Variants in ARHGEF7 observed in about 807,000 individuals in gnomAD.
ARHGEF7 encodes the protein Rho guanine nucleotide exchange factor 7.
In ARHGEF7, 33 loss-of-function variants were observed where a neutral mutation model predicts 109.8. That is an observed-to-expected ratio of 0.30 (90% CI 0.23 to 0.40). ARHGEF7 has a LOEUF of 0.40. Ranked by LOEUF, ARHGEF7 falls within the 10% of genes least tolerant of loss-of-function variation. ARHGEF7 has a pLI of 1.00. For missense variants in ARHGEF7, 938 were observed against 1,098.5 expected, an observed-to-expected ratio of 0.85 and a Z score of 2.07; for synonymous variants, 458 against 424.6, an observed-to-expected ratio of 1.08 and a Z score of -0.97.
At chr13:111,270,823 C>T (rs1347148929) in intron 9 of ARHGEF7, among the ~76,000 whole-genome samples, 1 of 152,128 alleles carries the variant, frequency 6.6e-6, no homozygotes, top group Non-Finnish European at 1.5e-5. Flanking sequence ...TCTCCAACAC[C>T]TAGAGAATTG....
At chr13:111,211,511 A>G (rs544130244) in intron 4 of ARHGEF7, among the ~76,000 whole-genome samples, 1 of 152,318 alleles carries the variant, frequency 6.6e-6, no homozygotes, top group South Asian at 2.1e-4. Flanking sequence ...TAAGTATTGG[A>G]TTAATTTTTC....
chr13:111,131,271 C>T lies in ARHGEF7; in HGVS notation c.165+15580C>T, dbSNP rs1018168353. On this transcript the variant is annotated intron_variant, in intron 1 of 21. Transcript: ENST00000646102. This position sits in a 1 kb window ranked among gnomAD's most constrained non-coding sequence, Gnocchi z 4.4. ...AAGGGAGCCCAGGAGGGTGCGGCGG[C>T]GGGCAGACAGGGGGACAGTGATTTG... Among the ~76,000 whole-genome samples the T allele has an allele frequency of 6.6e-6, 1 of 151,926 alleles. No homozygotes were observed. The highest frequency in any genetic ancestry group is 2.4e-5 in the African/African-American group (1 of 41,350).
At chr13:111,281,651 C>T (rs7983485) in intron 15 of ARHGEF7, among the ~76,000 whole-genome samples, 55,092 of 152,006 alleles carry the variant, frequency 0.36, 10,558 homozygotes, top group Admixed American at 0.42. Context: ...ATCCCAGGGA[C>T]GTGTGTGTAC....
intron 2 of ARHGEF7, among the ~76,000 whole-genome samples, chr13:111,180,870 A>G (rs1439380388): frequency 6.6e-6 from 1 of 152,238 alleles, no homozygotes; most frequent in East Asian, 1.9e-4. Context: ...TAGATAATAT[A>G]CATAATCTGC....
intron 5 of ARHGEF7, among the ~76,000 whole-genome samples, chr13:111,230,638 C>A (rs919554275): frequency 2.0e-5 from 3 of 151,998 alleles, no homozygotes; most frequent in African/African-American, 7.3e-5. Context: ...GCAGGGTCTC[C>A]TGACAGCAGA....
chr13:111,195,271 A>G (rs1027120040), intron 2 of ARHGEF7, among the ~76,000 whole-genome samples: 3 of 152,194 alleles, frequency 2.0e-5, no homozygotes, highest in African/African-American at 7.2e-5. Flanking sequence ...GGGACAACAA[A>G]TGGGTAACTT....
intron 6 of ARHGEF7, among the ~76,000 whole-genome samples, chr13:111,240,023 A>T (rs960680399): frequency 3.3e-5 from 5 of 152,108 alleles, no homozygotes; most frequent in Non-Finnish European, 7.4e-5. Flanking sequence ...AATGACTGGC[A>T]CTCTTGAGTA....
At chr13:111,120,729 A>G (rs1400517031) in intron 1 of ARHGEF7, among the ~76,000 whole-genome samples, 1 of 152,164 alleles carries the variant, frequency 6.6e-6, no homozygotes. Context: ...CTGCCTTTCT[A>G]TACATCTTAA....
chr13:111,175,542 C>T (rs2078061568), intron 2 of ARHGEF7, among the ~76,000 whole-genome samples: 1 of 152,202 alleles, frequency 6.6e-6, no homozygotes, highest in Non-Finnish European at 1.5e-5. Flanking sequence ...AGGCTGGAGC[C>T]TGCAGTGGGG....
intron 2 of ARHGEF7, among the ~76,000 whole-genome samples, chr13:111,171,430 AT>A (rs1167550193): frequency 6.6e-6 from 1 of 152,270 alleles, no homozygotes; most frequent in Non-Finnish European, 1.5e-5. Flanking sequence ...ATTAAAAAAA[AT>A]AAAGTGAAAA....
intron 2 of ARHGEF7, among the ~76,000 whole-genome samples, chr13:111,195,488 G>T (rs1273002432): frequency 6.6e-6 from 1 of 152,236 alleles, no homozygotes; most frequent in South Asian, 2.1e-4. Flanking sequence ...AGTCGTCCAG[G>T]ACTGGAGATT....
chr13:111,215,096 A>G (rs1311548605), intron 4 of ARHGEF7, among the ~76,000 whole-genome samples: 2 of 151,762 alleles, frequency 1.3e-5, no homozygotes, highest in African/African-American at 2.4e-5. Flanking sequence ...TTTATGGTGC[A>G]TAGTTCATCT....
intron 2 of ARHGEF7, among the ~76,000 whole-genome samples, chr13:111,197,422 A>G (rs2080660894): frequency 1.3e-5 from 2 of 152,284 alleles, no homozygotes; most frequent in Admixed American, 1.3e-4. Context: ...CTAGACCACA[A>G]AGAGGACTGA....
At chr13:111,294,192 A>G (rs2093369513) in intron 19 of ARHGEF7, 1 of 985,416 alleles carries the variant, frequency 1.0e-6, no homozygotes, top group Non-Finnish European at 1.2e-6. Context: ...ATAACTACAA[A>G]GTTTCTATAC....
In ARHGEF7 at chr13:111,237,122, T is replaced by C. The variant is rs375274666; in HGVS notation, c.759+3829T>C. ...ATGACAAAGGAAAAGATAAATCTTT[T>C]AGGCTACCTAATGAGAGTTTAATAT... On this transcript the variant is annotated intron_variant, in intron 6 of 21. Transcript: ENST00000646102. Among the ~76,000 whole-genome samples, 11 of 152,342 alleles carry C rather than the reference T, an allele frequency of 7.2e-5. No homozygotes were observed. The East Asian group carries it at 1.3e-3, about 19-fold the overall frequency.
At chr13:111,125,219 T>G (rs771453179) in intron 1 of ARHGEF7, among the ~76,000 whole-genome samples, 2 of 152,196 alleles carry the variant, frequency 1.3e-5, no homozygotes, top group Non-Finnish European at 2.9e-5. Flanking sequence ...AGAGTGAGAA[T>G]ATATGAATGA....
chr13:111,153,477 C>A (rs1010611896), intron 1 of ARHGEF7, among the ~76,000 whole-genome samples: 5 of 152,036 alleles, frequency 3.3e-5, no homozygotes, highest in African/African-American at 1.2e-4. Flanking sequence ...GCGGTGGCCG[C>A]GCGCGGGGCC....
intron 1 of ARHGEF7, among the ~76,000 whole-genome samples, chr13:111,127,150 T>C (rs900227282): frequency 6.6e-6 from 1 of 152,230 alleles, no homozygotes; most frequent in African/African-American, 2.4e-5. Flanking sequence ...GCCAACAATT[T>C]CTACAACTTA....
intron 1 of ARHGEF7, among the ~76,000 whole-genome samples, chr13:111,117,501 T>A (rs902932106): frequency 6.6e-6 from 1 of 152,226 alleles, no homozygotes; most frequent in Non-Finnish European, 1.5e-5. Context: ...AATGAAAGTT[T>A]AATGTGAAGG....
Sources: gnomAD v4.1 joint callset for allele counts (sites outside exome capture counted in the v4.1 genomes callset) on GRCh38, gnomAD v4.1.1 for gene constraint, Gnocchi (gnomAD v3.1) non-coding constraint, MANE v1.5 for transcripts, NCBI Gene and HGNC (gene_info 2026-07-23, HGNC 2026-07-21) for gene names.